CECR2: variants seen among roughly 807,000 people sequenced by gnomAD.
CECR2 encodes the protein CECR2 histone acetyl-lysine reader, also known as chromatin remodeling regulator CECR2.
Under a neutral mutation model 154.5 loss-of-function variants are expected in CECR2, and 30 were observed. The observed-to-expected ratio is 0.19, with a 90% CI of 0.15 to 0.26. CECR2 has a LOEUF of 0.26. Ranked by LOEUF, CECR2 falls within the 10% of genes least tolerant of loss-of-function variation. CECR2 has a pLI of 1.00. For synonymous variants in CECR2, 725 were observed against 683.7 expected (o/e 1.06, Z -0.94); for missense variants, 1,743 against 1,829.3 (o/e 0.95, Z 0.86).
At chr22:17,487,870 GTATT>G (rs112338023) in intron 2 of CECR2, among the ~76,000 whole-genome samples, 25,995 of 150,648 alleles carry the variant, frequency 0.17, 2,312 homozygotes, top group Non-Finnish European at 0.19. Flanking sequence ...AATTTTTCAT[GTATT>G]TATTTATTTA....
intron 2 of CECR2, among the ~76,000 whole-genome samples, chr22:17,490,707 C>T (rs910138977): frequency 6.6e-6 from 1 of 152,074 alleles, no homozygotes; most frequent in Non-Finnish European, 1.5e-5. Context: ...CCTCAGCCTC[C>T]CAAAGTGCTA....
At chr22:17,508,794 TTAAGTA>T (rs1177675065) in intron 7 of CECR2, among the ~76,000 whole-genome samples, 5 of 152,182 alleles carry the variant, frequency 3.3e-5, no homozygotes, top group Non-Finnish European at 7.3e-5. Flanking sequence ...ATCCTCATTG[TTAAGTA>T]TAACACATGA....
chr22:17,467,534 A>G lies in CECR2; in HGVS notation c.127-10054A>G, dbSNP rs531216480. On this transcript the variant is annotated intron_variant, in intron 1 of 18. Coordinates refer to ENST00000262608, the MANE Select transcript of CECR2 (RefSeq NM_001290047.2). ...TGCGGTGGCTCACACCTGTAATCCC[A>G]GCACTTTGGGAGGCCGAGGCTGGCA... Among the ~76,000 whole-genome samples the G allele has an allele frequency of 4.6e-5, 7 of 152,238 alleles. No individual in the cohort carries two copies. The East Asian group carries it at 1.2e-3, about 25-fold the overall frequency.
chr22:17,538,923 G>GTC (rs1025899256), intron 12 of CECR2, 70 bp from the exon 13 acceptor site: 158 of 1,485,716 alleles, frequency 1.1e-4, no homozygotes, highest in Admixed American at 6.6e-4. Flanking sequence ...TTATCTCTCT[G>GTC]TCTCTCTCTC....
intron 1 of CECR2, among the ~76,000 whole-genome samples, chr22:17,449,722 C>T (rs1015493824): frequency 2.0e-5 from 3 of 152,072 alleles, no homozygotes; most frequent in African/African-American, 7.2e-5. Context: ...ATCTCCTGAC[C>T]TCGTGATCTG....
chr22:17,423,913 A>AC (rs1446481092), intron 1 of CECR2, among the ~76,000 whole-genome samples: 1 of 152,206 alleles, frequency 6.6e-6, no homozygotes, highest in Non-Finnish European at 1.5e-5. Flanking sequence ...CACATGCTGA[A>AC]CCGGAATCCC....
At position 17,504,830 on chromosome 22, in the gene CECR2, G is replaced by T. The variant is rs759813249; in HGVS notation, c.701-17G>T. ...TCATGGGATCTCCTGTAGTGAATCC[G>T]TTCCTTTATTTTCTAGGGTCCCAAG... On this transcript the variant is annotated splice_polypyrimidine_tract_variant and intron_variant, in intron 6 of 18. Transcript: ENST00000262608. 6.2e-7 allele frequency: 1 copy of T among 1,608,506 alleles called. No individual in the cohort carries two copies.
At chr22:17,462,651 C>G (rs984574102) in intron 1 of CECR2, among the ~76,000 whole-genome samples, 1 of 152,140 alleles carries the variant, frequency 6.6e-6, no homozygotes. Context: ...TGCAGTGGCT[C>G]ACGCCTGTAA....
At position 17,389,816 on chromosome 22, in the gene CECR2, C is replaced by T. The variant is rs188401476; in HGVS notation, c.126+19907C>T. Among the ~76,000 whole-genome samples the T allele has an allele frequency of 3.9e-5, 6 of 152,056 alleles. No individual in the cohort carries two copies. The East Asian group carries it at 5.8e-4, about 15-fold the overall frequency. ...CTAATTTTTGTGTTTTTAGTAGAGA[C>T]GGGGTTTTGCCATGTTAGCCAGGCT... On this transcript the variant is annotated intron_variant, in intron 1 of 18. Transcript: ENST00000262608.
chr22:17,483,837 G>C (rs185980129), intron 2 of CECR2, among the ~76,000 whole-genome samples: 4 of 152,270 alleles, frequency 2.6e-5, no homozygotes, highest in East Asian at 1.9e-4. Context: ...CTCAGTTACT[G>C]ATTCACCCAG....
At chr22:17,360,667 A>G (rs545194515) in intron 1 of CECR2, among the ~76,000 whole-genome samples, 1 of 148,524 alleles carries the variant, frequency 6.7e-6, no homozygotes, top group South Asian at 2.1e-4. Flanking sequence ...ACAAAGCTAG[A>G]CTCCATCTCG....
rs187626442 is a variant in CECR2, at chr22:17,376,199, G to A, written c.126+6290G>A. On this transcript the variant is annotated intron_variant, in intron 1 of 18. Coordinates refer to ENST00000262608, the MANE Select transcript of CECR2 (RefSeq NM_001290047.2). ...AGGTCCCCTTTCTATTTATACCCAC[G>A]CTTTGAAAGGAAAGGCTTGCTGCTT... is the stretch of plus-strand genomic sequence containing the variant. Among the ~76,000 whole-genome samples, 92 of 152,188 alleles carry A rather than the reference G, an allele frequency of 6.0e-4. No homozygotes were observed. The East Asian group carries it at 0.014, about 23-fold the overall frequency.
chr22:17,520,765 G>GT (rs1383659864), intron 8 of CECR2, among the ~76,000 whole-genome samples: 2 of 151,974 alleles, frequency 1.3e-5, no homozygotes, highest in Non-Finnish European at 2.9e-5. Context: ...GTCTTTTTGG[G>GT]TTTTTTGGGC....
chr22:17,392,107 G>T (rs1222558307), intron 1 of CECR2, among the ~76,000 whole-genome samples: 1 of 152,164 alleles, frequency 6.6e-6, no homozygotes, highest in African/African-American at 2.4e-5. Flanking sequence ...ACCGCGTCTG[G>T]CCGAATACAA....
intron 1 of CECR2, among the ~76,000 whole-genome samples, chr22:17,381,292 C>T (rs572355440): frequency 1.4e-3 from 218 of 152,254 alleles, no homozygotes; most frequent in African/African-American, 4.4e-3. Flanking sequence ...AAGCAGCCCC[C>T]CAGCCCTCCT....
upstream of CECR2, among the ~76,000 whole-genome samples, chr22:17,368,521 T>C (rs1256546188): frequency 2.6e-5 from 4 of 152,148 alleles, no homozygotes; most frequent in African/African-American, 7.2e-5. Context: ...GATTTAGCAG[T>C]ACTCCACCGC....
At position 17,517,067 on chromosome 22, in the gene CECR2, C is replaced by CG. The variant is rs1436424624; in HGVS notation, c.954+5175dup. On this transcript the variant is annotated intron_variant, in intron 8 of 18. Coordinates refer to ENST00000262608, the MANE Select transcript of CECR2 (RefSeq NM_001290047.2). ...CTAATTTTTGTATTTTTAGTGGAGT[C>CG]GGGGTTTCACCATCTTGGCCAGGCT... is the stretch of plus-strand genomic sequence containing the variant. 3.3e-5 allele frequency among the ~76,000 whole-genome samples: 5 copies of CG among 151,326 alleles called. No individual in the cohort carries two copies. The East Asian group carries it at 5.9e-4, about 18-fold the overall frequency.
intron 1 of CECR2, among the ~76,000 whole-genome samples, chr22:17,418,081 A>T (rs750604750): frequency 1.4e-4 from 21 of 152,188 alleles, no homozygotes; most frequent in Non-Finnish European, 2.4e-4. Context: ...ACAGCTGTAT[A>T]CAAGTGTATA....
At chr22:17,547,683 C>T (rs2056635014) in intron 16 of CECR2, among the ~76,000 whole-genome samples, 1 of 152,202 alleles carries the variant, frequency 6.6e-6, no homozygotes, top group Non-Finnish European at 1.5e-5. Flanking sequence ...AGCTTTTATT[C>T]TCGTGGAGCA....
Sources: allele counts gnomAD v4.1 joint callset (sites outside exome capture counted in the v4.1 genomes callset), GRCh38; gene constraint gnomAD v4.1.1; transcripts MANE v1.5; gene names NCBI Gene and HGNC (gene_info 2026-07-23, HGNC 2026-07-21).